PACRG: variants seen among roughly 807,000 people sequenced by gnomAD.
PACRG encodes the protein parkin coregulated, also known as parkin coregulated gene protein.
A neutral mutation model predicts 29.7 loss-of-function variants in PACRG; 29 were observed. The ratio of observed to expected loss-of-function variants is 0.98; its 90% CI spans 0.73 to 1.33. The LOEUF is 1.33. Among genes scored for constraint, PACRG ranks in the 40% most tolerant of loss-of-function variants. PACRG has a pLI of 0.00. For synonymous variants in PACRG, 116 were observed against 118.7 expected (o/e 0.98, Z 0.15); for missense variants, 279 against 316.2 (o/e 0.88, Z 0.89).
chr6:163,186,829 G>A (rs966172713), intron 4 of PACRG, among the ~76,000 whole-genome samples: 4 of 152,228 alleles, frequency 2.6e-5, no homozygotes, highest in Non-Finnish European at 4.4e-5. Flanking sequence ...CCTACCCGCT[G>A]AGGGGCACAG....
intron 2 of PACRG, among the ~76,000 whole-genome samples, chr6:162,888,980 G>A (rs2128035427): frequency 6.6e-6 from 1 of 152,292 alleles, no homozygotes; most frequent in Middle Eastern, 3.4e-3. Context: ...TTGGAACTCT[G>A]TGATTAAGCT....
chr6:163,261,777 T>C (rs561297880), intron 4 of PACRG, among the ~76,000 whole-genome samples: 5 of 152,328 alleles, frequency 3.3e-5, no homozygotes, highest in Admixed American at 6.5e-5. Context: ...ACTATTTACA[T>C]AGCCTTACAT....
intron 4 of PACRG, among the ~76,000 whole-genome samples, chr6:163,266,433 T>C (rs1009283167): frequency 6.6e-6 from 1 of 152,148 alleles, no homozygotes; most frequent in African/African-American, 2.4e-5. Context: ...AAATTATTGG[T>C]TTTCTGTGAA....
Position 162,738,085 on chromosome 6 carries a change from C to A in PACRG, c.156+9694C>A, listed in dbSNP as rs187268887. Among the ~76,000 whole-genome samples, 66 of 152,108 alleles carry A rather than the reference C, an allele frequency of 4.3e-4. 2 individuals are homozygous for A. In the East Asian group the frequency reaches 8.7e-3, roughly 20 times the overall value. On this transcript the variant is annotated intron_variant, in intron 1 of 4. Transcript: ENST00000366888. ...TATATTCTTATAAGTAAAACAATAA[C>A]CTCACTAAGAGAGCCACAGCTTAAT...
chr6:163,154,416 T>C (rs537165918), intron 4 of PACRG, among the ~76,000 whole-genome samples: 1 of 152,310 alleles, frequency 6.6e-6, no homozygotes, highest in South Asian at 2.1e-4. Flanking sequence ...ATCTTAAAGA[T>C]TACAGACCCT....
In PACRG at chr6:163,044,129, G is replaced by A. The variant is rs114209397; in HGVS notation, c.292-18021G>A. Among the ~76,000 whole-genome samples the A allele has an allele frequency of 6.8e-3, 1,035 of 151,790 alleles. 9 individuals are homozygous for A. Among genetic ancestry groups the A allele is most frequent in the African/African-American group, 0.023 (963 of 41,352 alleles). ...GAGCTTTGCACTAAGAAAAAATAAG[G>A]GTTGGATGTTCAGCTTGCCTATAAT... is the stretch of plus-strand genomic sequence containing the variant. On this transcript the variant is annotated intron_variant, in intron 2 of 4. Coordinates refer to ENST00000366888, the MANE Select transcript of PACRG (RefSeq NM_001080379.2).
At chr6:163,296,707 C>T (rs983645976) in intron 4 of PACRG, among the ~76,000 whole-genome samples, 103 of 152,176 alleles carry the variant, frequency 6.8e-4, no homozygotes, top group African/African-American at 1.9e-4. Flanking sequence ...GACTGTAGCA[C>T]GCAGAGATAT....
At chr6:163,130,196 G>T (rs1010213667) in intron 4 of PACRG, among the ~76,000 whole-genome samples, 2 of 152,186 alleles carry the variant, frequency 1.3e-5, no homozygotes, top group African/African-American at 4.8e-5. Context: ...TTGACTATGT[G>T]TATCCCACTG....
intron 1 of PACRG, among the ~76,000 whole-genome samples, chr6:162,757,714 A>C (rs151274007): frequency 3.3e-4 from 50 of 152,196 alleles, no homozygotes; most frequent in African/African-American, 1.2e-3. Context: ...CTAAAAAATA[A>C]ATAAATAAAT....
At chr6:163,121,590 A>G (rs1816272604) in intron 4 of PACRG, among the ~76,000 whole-genome samples, 1 of 151,918 alleles carries the variant, frequency 6.6e-6, no homozygotes, top group Non-Finnish European at 1.5e-5. Flanking sequence ...GTCATAAAAC[A>G]GACCCATCAG....
At chr6:162,961,672 G>A (rs1800628776) in intron 2 of PACRG, among the ~76,000 whole-genome samples, 1 of 152,044 alleles carries the variant, frequency 6.6e-6, no homozygotes. Flanking sequence ...AGTCACTTAG[G>A]ACTGGAATCG....
chr6:162,974,863 C>A (rs1801818379), intron 2 of PACRG, among the ~76,000 whole-genome samples: 1 of 152,182 alleles, frequency 6.6e-6, no homozygotes, highest in South Asian at 2.1e-4. Flanking sequence ...ACCTGGCAAT[C>A]CTTCTCCAAA....
intron 4 of PACRG, among the ~76,000 whole-genome samples, chr6:163,108,292 G>T (rs1252827520): frequency 6.6e-6 from 1 of 151,458 alleles, no homozygotes; most frequent in Non-Finnish European, 1.5e-5. Flanking sequence ...GTGTCTGCTT[G>T]CCCTTCGCCT....
chr6:162,950,364 C>A (rs1190127794), intron 2 of PACRG, among the ~76,000 whole-genome samples: 1 of 152,000 alleles, frequency 6.6e-6, no homozygotes, highest in Non-Finnish European at 1.5e-5. Flanking sequence ...AAAAATTAGC[C>A]GGGCGTGGTG....
Position 163,161,600 on chromosome 6 carries a change from G to A in PACRG, c.613+72192G>A, listed in dbSNP as rs575751710. ...ACGTGCGTATATTTTGTGCACTTGT[G>A]TGTATATATCTGAAAAATACAGTCT... On this transcript the variant is annotated intron_variant, in intron 4 of 4. Coordinates refer to ENST00000366888, the MANE Select transcript of PACRG (RefSeq NM_001080379.2). 2.0e-5 allele frequency among the ~76,000 whole-genome samples: 3 copies of A among 152,318 alleles called. No homozygotes were observed. In the South Asian group the frequency reaches 6.2e-4, roughly 32 times the overall value.
At chr6:162,791,049 G>T (rs1784893312) in intron 1 of PACRG, among the ~76,000 whole-genome samples, 1 of 152,162 alleles carries the variant, frequency 6.6e-6, no homozygotes, top group Non-Finnish European at 1.5e-5. Flanking sequence ...CTAGCCAGTT[G>T]TGTCTCCTAG....
At chr6:162,779,231 A>G (rs1346446020) in intron 1 of PACRG, among the ~76,000 whole-genome samples, 1 of 152,212 alleles carries the variant, frequency 6.6e-6, no homozygotes, top group Non-Finnish European at 1.5e-5. Context: ...TTATAGCTGC[A>G]TAGTATTCCA....
chr6:163,029,642 A>C (rs1411211582), intron 2 of PACRG, among the ~76,000 whole-genome samples: 2 of 152,186 alleles, frequency 1.3e-5, no homozygotes, highest in Non-Finnish European at 2.9e-5. Context: ...AGACAAAAGG[A>C]AAGTTTCGTC....
chr6:162,804,139 A>G (rs548425434), intron 1 of PACRG, among the ~76,000 whole-genome samples: 1 of 152,354 alleles, frequency 6.6e-6, no homozygotes, highest in Admixed American at 6.5e-5. Context: ...TGAAAAGTTT[A>G]AAGGGAAAAG....
Sources: allele counts gnomAD v4.1 joint callset (sites outside exome capture counted in the v4.1 genomes callset), GRCh38; gene constraint gnomAD v4.1.1; transcripts MANE v1.5; gene names NCBI Gene and HGNC (gene_info 2026-07-23, HGNC 2026-07-21).